TBC1D32: variants seen among roughly 807,000 people sequenced by gnomAD.
TBC1D32 encodes the protein TBC1 domain family member 32, also known as protein broad-minded.
In TBC1D32, 151 loss-of-function variants were observed where a neutral mutation model predicts 170.3. The ratio of observed to expected loss-of-function variants is 0.89; its 90% confidence interval spans 0.78 to 1.01. The LOEUF is 1.01. Ranked by LOEUF, TBC1D32 falls within the 50% of genes least tolerant of loss-of-function variation. The probability of loss-of-function intolerance (pLI) is 0.00; values close to 1 mark genes in which losing one functional copy is unlikely to be tolerated. For missense variants in TBC1D32, 1,464 were observed against 1,457.1 expected, an observed-to-expected ratio of 1.00 and a Z score of -0.08; for synonymous variants, 498 against 488.0, an observed-to-expected ratio of 1.02 and a Z score of -0.27.
chr6:121,127,374 T>A (rs751254217), intron 25 of TBC1D32, among the ~76,000 whole-genome samples: 1 of 152,184 alleles, frequency 6.6e-6, no homozygotes, highest in Non-Finnish European at 1.5e-5. Context: ...AATATTTTAA[T>A]GGCTTAGGAC....
At chr6:121,311,032 C>G (rs1283367318) in intron 3 of TBC1D32, among the ~76,000 whole-genome samples, 185 bp from the exon 4 acceptor site, 1 of 152,084 alleles carries the variant, frequency 6.6e-6, no homozygotes, top group Non-Finnish European at 1.5e-5. Flanking sequence ...AACTGAATGT[C>G]CCAGTAGAAA....
intron 24 of TBC1D32, among the ~76,000 whole-genome samples, chr6:121,141,868 A>C (rs112873873): frequency 2.6e-5 from 4 of 152,314 alleles, no homozygotes; most frequent in African/African-American, 9.6e-5. Flanking sequence ...AAGCTTTAGG[A>C]AAAGGTTATG....
rs560955680 is a variant in TBC1D32 at position 121,282,583 on chromosome 6, A to T, written c.1466-897T>A. ...GAAAAGGAAAGTTCAGTGATTTTTC[A>T]ACCAGCTTCAAGTGAGAAACCCTGT... On this transcript the variant is annotated intron_variant, in intron 13 of 31. Transcript: ENST00000398212. Among the ~76,000 whole-genome samples the T allele has an allele frequency of 2.6e-5, 4 of 151,892 alleles. No homozygotes were observed. The South Asian group carries it at 8.3e-4, about 31-fold the overall frequency.
intron 17 of TBC1D32, among the ~76,000 whole-genome samples, chr6:121,254,809 T>C (rs983514258): frequency 3.9e-5 from 6 of 152,070 alleles, no homozygotes; most frequent in African/African-American, 1.4e-4. Context: ...AAAAAATCTA[T>C]TTTCCCCATT....
At chr6:121,330,311 G>C (rs1583797948) in intron 1 of TBC1D32, among the ~76,000 whole-genome samples, 1 of 152,262 alleles carries the variant, frequency 6.6e-6, no homozygotes, top group East Asian at 1.9e-4. Context: ...TGGGTTTACA[G>C]GTGTGAGCCA....
chr6:121,298,121 G>T (rs1183112476), intron 10 of TBC1D32, among the ~76,000 whole-genome samples: 1 of 152,050 alleles, frequency 6.6e-6, no homozygotes, highest in African/African-American at 2.4e-5. Flanking sequence ...ATTTTCAAAA[G>T]TGGGGCCAAG....
chr6:121,226,325 G>A (rs1795061959), intron 20 of TBC1D32, among the ~76,000 whole-genome samples: 1 of 152,018 alleles, frequency 6.6e-6, no homozygotes, highest in Non-Finnish European at 1.5e-5. Flanking sequence ...GGGGATATAA[G>A]GATGACACTC....
intron 15 of TBC1D32, among the ~76,000 whole-genome samples, chr6:121,267,980 T>C (rs1490963065): frequency 6.6e-6 from 1 of 152,146 alleles, no homozygotes; most frequent in African/African-American, 2.4e-5. Context: ...CCACTGGTGA[T>C]ACCCAGGCAA....
rs149729560 is a variant in TBC1D32 at position 121,123,241 on chromosome 6, T to C, written c.2983+3137A>G. Reference sequence around the variant, plus strand: ...CCAATTTGTTAACAGTTTTTTATTATAAATGATGTTGAATTGTATCAAATG... The same window carrying C: ...CCAATTTGTTAACAGTTTTTTATTACAAATGATGTTGAATTGTATCAAATG... On this transcript the variant is annotated intron_variant, in intron 26 of 31. Coordinates refer to ENST00000398212, the MANE Select transcript of TBC1D32 (RefSeq NM_152730.6). 3.9e-4 allele frequency among the ~76,000 whole-genome samples: 60 copies of C among 152,230 alleles called. No homozygotes were observed. The East Asian group carries it at 9.1e-3, about 23-fold the overall frequency.
intron 21 of TBC1D32, among the ~76,000 whole-genome samples, chr6:121,214,858 T>C (rs574354782): frequency 2.0e-5 from 3 of 152,170 alleles, no homozygotes; most frequent in African/African-American, 7.2e-5. Flanking sequence ...ATGAGGTATG[T>C]AGACAACTGG....
rs150229935 is a variant in TBC1D32, at chr6:121,308,438, C to T, written c.565-337G>A. 6.6e-3 allele frequency among the ~76,000 whole-genome samples: 999 copies of T among 152,072 alleles called. 12 individuals are homozygous for T. Among genetic ancestry groups the T allele is most frequent in the African/African-American group, 0.023 (938 of 41,552 alleles). The stretch of plus-strand genomic sequence containing the variant: ...TTTTCCAGTAGCCTTGTCCTACAGG[C>T]TTTCCCTATTCTAGGCCGTTCCTAC... On this transcript the variant is annotated intron_variant, in intron 4 of 31. Transcript: ENST00000398212.
chr6:121,239,288 A>T, intron 19 of TBC1D32, 100 bp from the exon 20 acceptor site: 1 of 581,402 alleles, frequency 1.7e-6, no homozygotes, highest in South Asian at 3.3e-5. Context: ...GTCTACTCTG[A>T]CAGAAGACAC....
At position 121,205,052 on chromosome 6, in the gene TBC1D32, A is replaced by T. The variant is rs755722750; in HGVS notation, c.2570+23T>A. On this transcript the variant is annotated intron_variant, in intron 22 of 31. Transcript: ENST00000398212. Reference sequence around the variant, plus strand: ...TTTGTGGAACATAAAATATAATATCAAAAGTAAAATGTAGCATTTTACCTT... The same window carrying T: ...TTTGTGGAACATAAAATATAATATCTAAAGTAAAATGTAGCATTTTACCTT... The T allele has an allele frequency of 3.7e-6, 5 of 1,340,154 alleles. No homozygotes were observed. The South Asian group carries it at 6.6e-5, about 18-fold the overall frequency. The allele number at this position is 1,340,154 out of a possible 1,614,324, so 83.0% of individuals were successfully genotyped here. A position where few individuals can be genotyped will look rare whatever the true frequency, so the allele number is the denominator to read the frequency against.
chr6:121,307,733 T>A (rs1807545820), intron 5 of TBC1D32, among the ~76,000 whole-genome samples: 1 of 151,980 alleles, frequency 6.6e-6, no homozygotes, highest in East Asian at 1.9e-4. Flanking sequence ...GGTGGTGGCA[T>A]GCCTATAATC....
intron 22 of TBC1D32, among the ~76,000 whole-genome samples, chr6:121,169,630 G>C (rs1846866): frequency 0.69 from 104,602 of 152,066 alleles, 41,169 homozygotes; most frequent in Non-Finnish European, 0.87. Context: ...AAGTTTTAAA[G>C]CTGGTGCCTT....
At chr6:121,107,868 A>C (rs1438572475) in intron 29 of TBC1D32, among the ~76,000 whole-genome samples, 1 of 152,024 alleles carries the variant, frequency 6.6e-6, no homozygotes, top group Admixed American at 6.6e-5. Flanking sequence ...GATAAAGACA[A>C]TAGATTTATT....
At chr6:121,173,853 C>A (rs1245137632) in intron 22 of TBC1D32, among the ~76,000 whole-genome samples, 3 of 151,366 alleles carry the variant, frequency 2.0e-5, no homozygotes, top group African/African-American at 7.3e-5. Flanking sequence ...CTCCTACAAA[C>A]AGCTGCTGTG....
intron 26 of TBC1D32, among the ~76,000 whole-genome samples, chr6:121,118,892 T>C (rs918233208): frequency 1.3e-5 from 2 of 152,190 alleles, no homozygotes; most frequent in African/African-American, 4.8e-5. Context: ...CTACTGTACA[T>C]GTCTCAGCCT....
At chr6:121,334,519 C>T (rs1054568572), upstream of TBC1D32, 1 of 1,450,300 alleles carries the variant, frequency 6.9e-7, no homozygotes, top group Non-Finnish European at 9.3e-7. Context: ...CCACCCAGCC[C>T]CGGCTACGTG....
Sources: allele counts gnomAD v4.1 joint callset (sites outside exome capture counted in the v4.1 genomes callset), GRCh38; gene constraint gnomAD v4.1.1; transcripts MANE v1.5; gene names NCBI Gene and HGNC (gene_info 2026-07-23, HGNC 2026-07-21).